Variants in PTPRD observed in about 807,000 individuals in gnomAD.
PTPRD encodes protein tyrosine phosphatase receptor type D.
In PTPRD, 34 loss-of-function variants were observed where a neutral mutation model predicts 214.5. That is an observed-to-expected ratio of 0.16 (90% CI 0.12 to 0.21). The LOEUF (loss-of-function observed/expected upper bound fraction) is 0.21. Ranked by LOEUF, PTPRD falls within the 10% of genes least tolerant of loss-of-function variation. The probability of loss-of-function intolerance (pLI) is 1.00; values close to 1 mark genes in which losing one functional copy is unlikely to be tolerated. For missense variants in PTPRD, 2,545 were observed against 2,398.7 expected (o/e 1.06, Z -1.27); for synonymous variants, 1,128 against 845.7 (o/e 1.33, Z -5.79).
In PTPRD at chr9:8,331,836, CAA is replaced by C. The variant is rs1221152570; in HGVS notation, c.5380-102_5380-101del. On this transcript the variant is annotated intron_variant, in intron 43 of 45. Coordinates refer to ENST00000381196, the MANE Select transcript of PTPRD (RefSeq NM_002839.4). ...AACAATCATTTTCATTTCCCGAAAA[CAA>C]AAAGGGTAGAAAAAGTTAGGAACAT... The C allele has an allele frequency of 7.1e-6, 10 of 1,400,288 alleles. No individual in the cohort carries two copies. The African/African-American group carries it at 1.2e-4, about 16-fold the overall frequency. 86.7% of individuals were successfully genotyped at this position (1,400,288 alleles called of 1,614,324 possible).
In PTPRD at chr9:10,357,854, C is replaced by A. The variant is rs563534753; in HGVS notation, c.-599-16837G>T. Among the ~76,000 whole-genome samples, 23 of 152,248 alleles carry A rather than the reference C, an allele frequency of 1.5e-4. No homozygotes were observed. The South Asian group carries it at 4.8e-3, about 32-fold the overall frequency. On this transcript the variant is annotated intron_variant, in intron 2 of 45. Coordinates refer to ENST00000381196, the MANE Select transcript of PTPRD (RefSeq NM_002839.4). The stretch of plus-strand genomic sequence containing the variant: ...CTTGTGATCAAAACCCATGAGGTCA[C>A]TGGGGACTTTTTGGTACTGTATTAA...
At chr9:10,491,989 T>A (rs1365564856) in intron 2 of PTPRD, among the ~76,000 whole-genome samples, 1 of 152,178 alleles carries the variant, frequency 6.6e-6, no homozygotes, top group Non-Finnish European at 1.5e-5. Flanking sequence ...CTGTGTTAGT[T>A]TGCTGAGAAT....
intron 11 of PTPRD, among the ~76,000 whole-genome samples, chr9:9,014,072 A>T (rs1028616173): frequency 6.6e-6 from 1 of 152,084 alleles, no homozygotes. Flanking sequence ...CCATTTTTCT[A>T]TAATAAGTAA....
At chr9:9,542,716 A>G (rs1192552288) in intron 8 of PTPRD, among the ~76,000 whole-genome samples, 1 of 151,726 alleles carries the variant, frequency 6.6e-6, no homozygotes, top group Non-Finnish European at 1.5e-5. Context: ...AACGGTACTC[A>G]ACATCATTAG....
chr9:9,477,195 C>T (rs1171744185), intron 8 of PTPRD, among the ~76,000 whole-genome samples: 1 of 152,124 alleles, frequency 6.6e-6, no homozygotes, highest in Non-Finnish European at 1.5e-5. Flanking sequence ...TATTTTTATC[C>T]CATAAACCAA....
At chr9:10,214,464 T>TG (rs1285560338) in intron 3 of PTPRD, among the ~76,000 whole-genome samples, 1 of 146,936 alleles carries the variant, frequency 6.8e-6, no homozygotes, top group Non-Finnish European at 1.5e-5. Flanking sequence ...TTAATATAGA[T>TG]GGGGTTTCAC....
intron 7 of PTPRD, among the ~76,000 whole-genome samples, chr9:9,601,104 T>C (rs2093711503): frequency 8.4e-6 from 1 of 119,624 alleles, no homozygotes; most frequent in African/African-American, 3.1e-5. Context: ...GGAAAAGAGA[T>C]TAATATATGT....
chr9:8,590,716 G>C (rs1227776432), intron 14 of PTPRD, among the ~76,000 whole-genome samples: 1 of 152,162 alleles, frequency 6.6e-6, no homozygotes, highest in Non-Finnish European at 1.5e-5. Flanking sequence ...CATATGGATA[G>C]TAAATATAGA....
chr9:8,944,621 C>T (rs2099052846), intron 11 of PTPRD, among the ~76,000 whole-genome samples: 1 of 151,998 alleles, frequency 6.6e-6, no homozygotes, highest in African/African-American at 2.4e-5. Flanking sequence ...AACTAAACAA[C>T]ATTATATTAT....
At chr9:8,874,823 C>G (rs2098364067) in intron 11 of PTPRD, among the ~76,000 whole-genome samples, 1 of 152,174 alleles carries the variant, frequency 6.6e-6, no homozygotes, top group Non-Finnish European at 1.5e-5. Context: ...CCATGCGGAG[C>G]CTGGCTCCTA....
intron 3 of PTPRD, among the ~76,000 whole-genome samples, chr9:10,283,198 T>C (rs1238741875): frequency 6.6e-6 from 1 of 152,010 alleles, no homozygotes; most frequent in Admixed American, 6.6e-5. Context: ...AAAATTATTT[T>C]TCTGGTAAAG....
chr9:10,061,918 T>C (rs2097783447), intron 3 of PTPRD, among the ~76,000 whole-genome samples: 1 of 151,984 alleles, frequency 6.6e-6, no homozygotes. Context: ...CAGCAAATTA[T>C]TAGGCCCCAC....
intron 8 of PTPRD, among the ~76,000 whole-genome samples, chr9:9,439,554 A>G (rs929918950): frequency 6.6e-6 from 1 of 152,320 alleles, no homozygotes; most frequent in Non-Finnish European, 1.5e-5. Flanking sequence ...GTGAGTAAAC[A>G]CAATAGGAAA....
chr9:10,477,390 T>C (rs1355518704), intron 2 of PTPRD, among the ~76,000 whole-genome samples: 3 of 152,170 alleles, frequency 2.0e-5, no homozygotes, highest in Admixed American at 6.5e-5. Flanking sequence ...AAGCTCATCA[T>C]CAGTGGTCAT....
At chr9:9,703,831 T>C (rs2097546381) in intron 7 of PTPRD, among the ~76,000 whole-genome samples, 1 of 152,212 alleles carries the variant, frequency 6.6e-6, no homozygotes, top group African/African-American at 2.4e-5. Flanking sequence ...TAAAACCATG[T>C]TGAGAACATA....
At position 10,453,008 on chromosome 9, in the gene PTPRD, T is replaced by C. The variant is rs538460875; in HGVS notation, c.-599-111991A>G. On this transcript the variant is annotated intron_variant, in intron 2 of 45. Transcript: ENST00000381196. ...ATTTTGAGTTGATTTTTGTGTGTGG[T>C]ATGAGTTTAATTCCATTTGTTTGTA... is the stretch of plus-strand genomic sequence containing the variant. Among the ~76,000 whole-genome samples the C allele has an allele frequency of 3.3e-5, 5 of 151,828 alleles. 1 individual carries two copies. Among genetic ancestry groups the C allele is most frequent in the African/African-American group, 1.2e-4 (5 of 41,544 alleles).
chr9:9,698,188 T>C (rs1041217390), intron 7 of PTPRD, among the ~76,000 whole-genome samples: 4 of 152,318 alleles, frequency 2.6e-5, no homozygotes, highest in East Asian at 3.9e-4. Flanking sequence ...GTTCCCTCTT[T>C]ACTGTTTTTT....
At chr9:8,864,115 T>G (rs553881778) in intron 11 of PTPRD, among the ~76,000 whole-genome samples, 5 of 152,294 alleles carry the variant, frequency 3.3e-5, no homozygotes, top group African/African-American at 1.2e-4. Context: ...CAGATAGTTG[T>G]GAGGAGGATT....
chr9:9,499,971 C>A (rs58463733), intron 8 of PTPRD, among the ~76,000 whole-genome samples: 2,005 of 152,124 alleles, frequency 0.013, 44 homozygotes, highest in African/African-American at 0.045. Context: ...TGGAAGAGAA[C>A]TGTAAATTAA....
Sources: allele counts gnomAD v4.1 joint callset (sites outside exome capture counted in the v4.1 genomes callset), GRCh38; gene constraint gnomAD v4.1.1; transcripts MANE v1.5; gene names NCBI Gene and HGNC (gene_info 2026-07-23, HGNC 2026-07-21).